Variants in FIGN observed in about 807,000 individuals in gnomAD.
The protein encoded by FIGN is fidgetin.
In FIGN, 11 loss-of-function variants were observed where a neutral mutation model predicts 51.3. The observed-to-expected ratio is 0.21, with a 90% CI of 0.13 to 0.35. The LOEUF is 0.35. Among genes scored for constraint, FIGN ranks in the 10% least tolerant of loss-of-function variants. The probability of loss-of-function intolerance (pLI) is 1.00; values close to 1 mark genes in which losing one functional copy is unlikely to be tolerated. For synonymous variants in FIGN, 407 were observed against 363.2 expected (o/e 1.12, Z -1.37); for missense variants, 857 against 943.6 (o/e 0.91, Z 1.20).
chr2:163,624,376 A>G (rs945638169), intron 2 of FIGN, among the ~76,000 whole-genome samples: 2 of 151,794 alleles, frequency 1.3e-5, no homozygotes, highest in Non-Finnish European at 2.9e-5. Context: ...GGAATGAATC[A>G]TTTTTAAGTC....
chr2:163,659,556 C>A (rs1267219937), intron 2 of FIGN, among the ~76,000 whole-genome samples: 1 of 152,140 alleles, frequency 6.6e-6, no homozygotes, highest in Non-Finnish European at 1.5e-5. Context: ...CCCTAAGTCC[C>A]ATCAAATGAA....
At position 163,735,962 on chromosome 2, in the gene FIGN, G is replaced by A. The variant is rs1342302102; in HGVS notation, c.-270C>T. The A allele has an allele frequency of 2.0e-5, 3 of 152,656 alleles. No individual in the cohort carries two copies. Among genetic ancestry groups the A allele is most frequent in the African/African-American group, 7.2e-5 (3 of 41,454 alleles). 9.5% of individuals were successfully genotyped at this position (152,656 alleles called of 1,614,324 possible). A position where few individuals can be genotyped will look rare whatever the true frequency, so the allele number is the denominator to read the frequency against. On this transcript the variant is annotated 5_prime_UTR_variant, in exon 1 of 3. Transcript: ENST00000333129. Reference sequence around the variant, plus strand: ...TGAAATCATTCCAAGTTTTTGAAGGGAAGACGGACTGCAGCCTCTGCCATG... The same window carrying A: ...TGAAATCATTCCAAGTTTTTGAAGGAAAGACGGACTGCAGCCTCTGCCATG...
At chr2:163,688,725 G>A (rs1363831070) in intron 2 of FIGN, among the ~76,000 whole-genome samples, 1 of 152,046 alleles carries the variant, frequency 6.6e-6, no homozygotes, top group African/African-American at 2.4e-5. Context: ...GTCGCAAGAG[G>A]GAGAACCTAA....
chr2:163,661,514 A>C (rs992327316), intron 2 of FIGN, among the ~76,000 whole-genome samples: 1 of 152,072 alleles, frequency 6.6e-6, no homozygotes, highest in African/African-American at 2.4e-5. Context: ...CTCCTGCCTC[A>C]GCCTCCCAAG....
intron 2 of FIGN, among the ~76,000 whole-genome samples, chr2:163,702,432 T>C (rs1559026111): frequency 6.6e-6 from 1 of 152,120 alleles, no homozygotes; most frequent in Non-Finnish European, 1.5e-5. Context: ...ATAACCATTA[T>C]CAGGGTCACA....
chr2:163,697,973 A>C (rs1684350091), intron 2 of FIGN, among the ~76,000 whole-genome samples: 1 of 152,130 alleles, frequency 6.6e-6, no homozygotes, highest in Non-Finnish European at 1.5e-5. Context: ...GATAAAGAAA[A>C]AGGGAGATAG....
chr2:163,687,018 C>T lies in FIGN; in HGVS notation c.25+47885G>A, dbSNP rs566111413. Among the ~76,000 whole-genome samples, 3 of 152,106 alleles carry T rather than the reference C, an allele frequency of 2.0e-5. No individual in the cohort carries two copies. In the South Asian group the frequency reaches 6.2e-4, roughly 32 times the overall value. ...ATGTATGTGTGAGATTGTGTACACA[C>T]ACACACACACACACACATACATGCA... On this transcript the variant is annotated intron_variant, in intron 2 of 2. Transcript: ENST00000333129.
chr2:163,686,244 G>A (rs1468878900), intron 2 of FIGN, among the ~76,000 whole-genome samples: 1 of 152,122 alleles, frequency 6.6e-6, no homozygotes, highest in Non-Finnish European at 1.5e-5. Context: ...AATAAAAGGA[G>A]GATGAATTTT....
In FIGN at chr2:163,643,414, G is replaced by A. The variant is rs368951951; in HGVS notation, c.26-31608C>T. On this transcript the variant is annotated intron_variant, in intron 2 of 2. Coordinates refer to ENST00000333129, the MANE Select transcript of FIGN (RefSeq NM_018086.4). Reference sequence around the variant, plus strand: ...GCTTGTAATCCCAGCATTTTGGGAGGCCAAGGCAGGTGGATAACTTGAGGT... The same window carrying A: ...GCTTGTAATCCCAGCATTTTGGGAGACCAAGGCAGGTGGATAACTTGAGGT... 6.9e-4 allele frequency among the ~76,000 whole-genome samples: 105 copies of A among 152,234 alleles called. 1 individual carries two copies. The South Asian group carries it at 0.021, about 30-fold the overall frequency.
intron 2 of FIGN, among the ~76,000 whole-genome samples, chr2:163,626,614 A>C (rs1429838436): frequency 6.6e-6 from 1 of 152,140 alleles, no homozygotes; most frequent in Admixed American, 6.6e-5. Flanking sequence ...TTTTAGTTAG[A>C]AACTAAGTAT....
chr2:163,691,350 T>A (rs1420246994), intron 2 of FIGN, among the ~76,000 whole-genome samples: 2 of 152,140 alleles, frequency 1.3e-5, no homozygotes, highest in African/African-American at 2.4e-5. Context: ...ATGGCAACCC[T>A]CTGCCTTTAT....
intron 2 of FIGN, among the ~76,000 whole-genome samples, chr2:163,678,961 T>C (rs1175042488): frequency 1.3e-5 from 2 of 152,220 alleles, no homozygotes; most frequent in African/African-American, 4.8e-5. Flanking sequence ...TGGTCTATGA[T>C]TTTATCATTA....
chr2:163,720,954 A>G (rs1306502565), intron 2 of FIGN, among the ~76,000 whole-genome samples: 1 of 152,166 alleles, frequency 6.6e-6, no homozygotes, highest in Non-Finnish European at 1.5e-5. Context: ...ACAGCTGTCA[A>G]CTATGCATAT....
At chr2:163,667,140 C>A (rs1683792610) in intron 2 of FIGN, among the ~76,000 whole-genome samples, 2 of 151,922 alleles carry the variant, frequency 1.3e-5, no homozygotes, top group Admixed American at 1.3e-4. Context: ...TCATTCATCC[C>A]ACTCTGAACC....
At chr2:163,633,167 G>C (rs1047742202) in intron 2 of FIGN, among the ~76,000 whole-genome samples, 1 of 152,034 alleles carries the variant, frequency 6.6e-6, no homozygotes, top group East Asian at 1.9e-4. Context: ...CTGAGCAACA[G>C]AATGAGACCC....
chr2:163,646,996 G>C (rs1031208805), intron 2 of FIGN, among the ~76,000 whole-genome samples: 2 of 152,188 alleles, frequency 1.3e-5, no homozygotes, highest in Admixed American at 1.3e-4. Context: ...ATAGATACAG[G>C]CTTCCCTGAC....
rs1691181979 is a variant in FIGN at position 163,609,499 on chromosome 2, G to T, written c.*53C>A. On this transcript the variant is annotated 3_prime_UTR_variant, in exon 3 of 3. Coordinates refer to ENST00000333129, the MANE Select transcript of FIGN (RefSeq NM_018086.4). Reference sequence around the variant, plus strand: ...AGGGGCTCTATTCCCTATGTAGCAGGTTTTATGTGTGTGTGCCAACATTCA... The same window carrying T: ...AGGGGCTCTATTCCCTATGTAGCAGTTTTTATGTGTGTGTGCCAACATTCA... The T allele has an allele frequency of 1.1e-5, 16 of 1,501,938 alleles. No homozygotes were observed. 93.0% of individuals were successfully genotyped at this position (1,501,938 alleles called of 1,614,324 possible).
At chr2:163,644,798 T>C (rs1369742543) in intron 2 of FIGN, among the ~76,000 whole-genome samples, 1 of 152,210 alleles carries the variant, frequency 6.6e-6, no homozygotes, top group African/African-American at 2.4e-5. Flanking sequence ...TGAAAAATTA[T>C]GCTAAGTGAA....
rs1691214593 is a variant in FIGN, at chr2:163,610,397, G to T, written c.1435C>A (p.Gln479Lys). The T allele has an allele frequency of 1.2e-6, 2 of 1,614,004 alleles. No individual in the cohort carries two copies. Among genetic ancestry groups the T allele is most frequent in the African/African-American group, 2.7e-5 (2 of 74,904 alleles). Residue 479 changes from glutamine (Q) to lysine (K), a missense_variant, in exon 3 of 3, where the codon CAA (glutamine) becomes AAA (lysine). Gln to Lys is a moderately conservative substitution (Grantham distance 53, BLOSUM62 1). Around this residue, in one of 3 missense-constraint regions of FIGN, gnomAD observed 799 missense variants for 849.5 expected, o/e 0.94. Transcript: ENST00000333129. ...IDLVTNEIIT[Q>K]GPPVDWNDIA... ...TCATTCCAGTCCACTGGAGGTCCTT[G>T]GGTGATAATCTCATTGGTTACCAGG...
Sources: gnomAD v4.1 joint callset for allele counts (sites outside exome capture counted in the v4.1 genomes callset) on GRCh38, gnomAD v4.1.1 for gene constraint, gnomAD v4.1.1 regional missense constraint, MANE v1.5 for transcripts, NCBI Gene and HGNC (gene_info 2026-07-23, HGNC 2026-07-21) for gene names.